The following GLG1 variants were observed in gnomAD, a reference collection of about 807,000 sequenced individuals.
GLG1 encodes the protein Golgi apparatus protein 1.
In GLG1, 38 loss-of-function variants were observed where a neutral mutation model predicts 160.5. The observed-to-expected ratio is 0.24, with a 90% CI of 0.18 to 0.31. GLG1 has a LOEUF of 0.31. GLG1 is among the 10% of genes least tolerant of loss of function. The probability of loss-of-function intolerance (pLI) is 1.00; values close to 1 mark genes in which losing one functional copy is unlikely to be tolerated. For synonymous variants in GLG1, 644 were observed against 543.4 expected (o/e 1.19, Z -2.57); for missense variants, 1,373 against 1,505.2 (o/e 0.91, Z 1.45).
In GLG1 at chr16:74,529,315, A is replaced by G. The variant is rs1448373418; in HGVS notation, c.471+2806T>C. 5.9e-5 allele frequency among the ~76,000 whole-genome samples: 9 copies of G among 152,176 alleles called. No homozygotes were observed. In the East Asian group the frequency reaches 1.3e-3, roughly 23 times the overall value. On this transcript the variant is annotated intron_variant, in intron 2 of 25. Transcript: ENST00000422840. ...CTAAAGCTGTCTTTTAAAACTACCC[A>G]TAAGTTCTTAATTTCTGAAATTACA...
At chr16:74,487,876 G>A (rs1318195595) in intron 8 of GLG1, among the ~76,000 whole-genome samples, 1 of 152,122 alleles carries the variant, frequency 6.6e-6, no homozygotes, top group Admixed American at 6.5e-5. Flanking sequence ...TGACAGTAGC[G>A]TGGGAAATAA....
At chr16:74,471,371 A>C (rs920884664) in intron 14 of GLG1, 85 bp from the exon 15 acceptor site, 9 of 787,106 alleles carry the variant, frequency 1.1e-5, no homozygotes, top group Admixed American at 7.6e-5. Flanking sequence ...AATGCAAGCA[A>C]GGTTAGTTCT....
In GLG1 at chr16:74,469,985, T is replaced by G. The variant is rs946997149; in HGVS notation, c.2318A>C (p.Lys773Thr). ...VLKLCPNIKK[K>T]VDVVICLSTT... ...AATGAAACAACTACAAGCTACATAC[T>G]TCTTTTTTATGTTTGGGCAAAGCTT... Residue 773 changes from lysine (K) to threonine (T), a missense_variant and splice_region_variant, in exon 16 of 26, where the codon AAG becomes ACG. Transcript: ENST00000422840. 2 of 1,573,252 alleles carry G rather than the reference T, an allele frequency of 1.3e-6. No homozygotes were observed. Among genetic ancestry groups the G allele is most frequent in the Non-Finnish European group, 1.8e-6 (2 of 1,142,698 alleles).
At chr16:74,551,935 AAT>A (rs1204505465) in intron 1 of GLG1, among the ~76,000 whole-genome samples, 1 of 151,350 alleles carries the variant, frequency 6.6e-6, no homozygotes, top group Non-Finnish European at 1.5e-5. Context: ...GAAAACGGCA[AAT>A]ATCTTTCTAG....
intron 1 of GLG1, among the ~76,000 whole-genome samples, chr16:74,571,596 G>A (rs1296066635): frequency 6.6e-6 from 1 of 151,404 alleles, no homozygotes; most frequent in African/African-American, 2.4e-5. Flanking sequence ...AGAGGCTGCA[G>A]AGAGCTGAGA....
intron 15 of GLG1, 127 bp downstream of exon 15, chr16:74,471,046 C>T (rs899171025): frequency 1.4e-6 from 1 of 700,648 alleles, no homozygotes; most frequent in Non-Finnish European, 2.6e-6. Context: ...TGTGAGCCAC[C>T]ACGCCTGGCT....
At position 74,542,356 on chromosome 16, in the gene GLG1, T is replaced by C. The variant is rs1434730658; in HGVS notation, c.439-10203A>G. ...AAATTTGTCAAATCAGTAGCTACTA[T>C]AGCCAAATGCAAAGAAGAAAACTAG... On this transcript the variant is annotated intron_variant, in intron 1 of 25. Transcript: ENST00000422840. Among the ~76,000 whole-genome samples the C allele has an allele frequency of 4.6e-5, 7 of 151,836 alleles. No individual in the cohort carries two copies. In the East Asian group the frequency reaches 7.7e-4, roughly 17 times the overall value.
chr16:74,465,485 C>T (rs532892668), intron 19 of GLG1, among the ~76,000 whole-genome samples, 191 bp downstream of exon 19: 3 of 152,320 alleles, frequency 2.0e-5, no homozygotes, highest in East Asian at 1.9e-4. Flanking sequence ...TCGTGCTCTA[C>T]TCCCAGAGTT....
rs559906245 is a variant in GLG1 at position 74,543,034 on chromosome 16, A to G, written c.439-10881T>C. Among the ~76,000 whole-genome samples, 368 of 152,130 alleles carry G rather than the reference A, an allele frequency of 2.4e-3. 4 individuals carry two copies. Among genetic ancestry groups the G allele is most frequent in the African/African-American group, 8.4e-3 (348 of 41,498 alleles). On this transcript the variant is annotated intron_variant, in intron 1 of 25. Coordinates refer to ENST00000422840, the MANE Select transcript of GLG1 (RefSeq NM_001145667.2). ...ACACCCCAGACCCGAGTACCTGCAC[A>G]TGCCACAACTCTTCCATACTGACCC...
chr16:74,472,552 G>A, intron 13 of GLG1, 141 bp from the exon 14 acceptor site: 1 of 1,471,832 alleles, frequency 6.8e-7, no homozygotes, highest in South Asian at 1.2e-5. Flanking sequence ...AGTATTTGAA[G>A]TAGATAGCCC....
chr16:74,604,306 C>T (rs1958513328), intron 1 of GLG1, among the ~76,000 whole-genome samples: 1 of 152,204 alleles, frequency 6.6e-6, no homozygotes, highest in South Asian at 2.1e-4. Flanking sequence ...GATATGTAGG[C>T]ACTGTACTAG....
intron 4 of GLG1, among the ~76,000 whole-genome samples, chr16:74,500,661 A>C (rs2016373638): frequency 6.6e-6 from 1 of 152,048 alleles, no homozygotes; most frequent in Non-Finnish European, 1.5e-5. Flanking sequence ...AAAGCAGGAA[A>C]TAATAAATGA....
At chr16:74,540,004 TATATATTTTA>T (rs1180884183) in intron 1 of GLG1, among the ~76,000 whole-genome samples, 339 of 2,776 alleles carry the variant, frequency 0.12, 105 homozygotes, top group Non-Finnish European at 0.17. Context: ...ATTTTATATA[TATATATTTTA>T]TATATATATA....
intron 2 of GLG1, among the ~76,000 whole-genome samples, chr16:74,523,751 A>C (rs1160986334): frequency 6.6e-6 from 1 of 152,040 alleles, no homozygotes; most frequent in Non-Finnish European, 1.5e-5. Context: ...ATAATATATA[A>C]AAGTACAATT....
chr16:74,447,569 C>G lies in GLG1; in HGVS notation c.*5598G>C, dbSNP rs748996150. On this transcript the variant is annotated 3_prime_UTR_variant, in exon 26 of 26. Transcript: ENST00000422840. The stretch of plus-strand genomic sequence containing the variant: ...AACATGTAAAAACAAGGGACCACCA[C>G]GATTTTATACATAGAAAGGAAACCC... 6.6e-6 allele frequency: 1 copy of G among 152,164 alleles called. No individual in the cohort carries two copies. Among genetic ancestry groups the G allele is most frequent in the Non-Finnish European group, 1.5e-5 (1 of 68,030 alleles). 9.4% of individuals were successfully genotyped at this position (152,164 alleles called of 1,614,324 possible). A position where few individuals can be genotyped will look rare whatever the true frequency, so the allele number is the denominator to read the frequency against.
intron 1 of GLG1, among the ~76,000 whole-genome samples, chr16:74,604,454 C>G (rs1235693505): frequency 6.6e-6 from 1 of 152,182 alleles, no homozygotes; most frequent in Non-Finnish European, 1.5e-5. Context: ...TGGAACCATC[C>G]TCCAGTGATA....
At chr16:74,477,222 A>C (rs1328185411) in intron 12 of GLG1, among the ~76,000 whole-genome samples, 174 bp downstream of exon 12, 1 of 152,256 alleles carries the variant, frequency 6.6e-6, no homozygotes, top group Non-Finnish European at 1.5e-5. Context: ...CCTGATACAA[A>C]GACCAGAGAG....
Position 74,515,622 on chromosome 16 carries a change from C to A in GLG1, c.472-6697G>T, listed in dbSNP as rs761847001. On this transcript the variant is annotated intron_variant, in intron 2 of 25. Coordinates refer to ENST00000422840, the MANE Select transcript of GLG1 (RefSeq NM_001145667.2). Reference sequence around the variant, plus strand: ...ATGTTAAATGACAAGTTAATGGGTGCAGCACACCAACATGGCACATGTATA... The same window carrying A: ...ATGTTAAATGACAAGTTAATGGGTGAAGCACACCAACATGGCACATGTATA... 9.9e-5 allele frequency among the ~76,000 whole-genome samples: 15 copies of A among 151,680 alleles called. 1 individual carries two copies. Among genetic ancestry groups the A allele is most frequent in the Non-Finnish European group, 1.6e-4 (11 of 68,038 alleles).
rs543070896 is a variant in GLG1, at chr16:74,600,650, T to A, written c.438+6007A>T. Among the ~76,000 whole-genome samples, 21 of 148,834 alleles carry A rather than the reference T, an allele frequency of 1.4e-4. 1 individual carries two copies. The South Asian group carries it at 4.4e-3, about 31-fold the overall frequency. ...GGGAGGCTGAGGCAGAAAAATCACT[T>A]GAACCCAGGAGGCAGAGGTTGCAGT... is the stretch of plus-strand genomic sequence containing the variant. On this transcript the variant is annotated intron_variant, in intron 1 of 25. Transcript: ENST00000422840.
Sources: allele counts gnomAD v4.1 joint callset (sites outside exome capture counted in the v4.1 genomes callset), GRCh38; gene constraint gnomAD v4.1.1; transcripts MANE v1.5; gene names NCBI Gene and HGNC (gene_info 2026-07-23, HGNC 2026-07-21).